DBF4: variants seen among roughly 807,000 people sequenced by gnomAD.
DBF4 encodes DBF4-CDC7 kinase regulatory subunit.
A neutral mutation model predicts 76.6 loss-of-function variants in DBF4; 25 were observed. The ratio of observed to expected loss-of-function variants is 0.33; its 90% CI spans 0.24 to 0.46. The LOEUF is 0.46. Ranked by LOEUF, DBF4 falls within the 20% of genes least tolerant of loss-of-function variation. DBF4 has a pLI of 1.00. For synonymous variants in DBF4, 213 were observed against 258.0 expected, an observed-to-expected ratio of 0.83 and a Z score of 1.67; for missense variants, 638 against 760.8, an observed-to-expected ratio of 0.84 and a Z score of 1.90.
chr7:87,889,477 G>T (rs895978740), intron 6 of DBF4, among the ~76,000 whole-genome samples: 2 of 151,482 alleles, frequency 1.3e-5, no homozygotes, highest in Admixed American at 1.3e-4. Context: ...ACGGGGTTTC[G>T]CCATGTTGCC....
At chr7:87,906,064 G>T (rs1251094829) in intron 11 of DBF4, among the ~76,000 whole-genome samples, 1 of 151,790 alleles carries the variant, frequency 6.6e-6, no homozygotes, top group Non-Finnish European at 1.5e-5. Flanking sequence ...AGGCTGAGGC[G>T]CAAGAATCAC....
chr7:87,899,566 T>C (rs1839718913), intron 8 of DBF4, among the ~76,000 whole-genome samples: 1 of 152,188 alleles, frequency 6.6e-6, no homozygotes, highest in Non-Finnish European at 1.5e-5. Flanking sequence ...GATACCACTT[T>C]ACATTATTTA....
At chr7:87,894,407 G>A (rs1584364108) in intron 6 of DBF4, among the ~76,000 whole-genome samples, 1 of 152,002 alleles carries the variant, frequency 6.6e-6, no homozygotes. Flanking sequence ...TTGCAGAGAG[G>A]CAAGATCATG....
At position 87,907,589 on chromosome 7, in the gene DBF4, G is replaced by A; in HGVS notation, c.1451G>A (p.Cys484Tyr). The A allele has an allele frequency of 6.2e-7, 1 of 1,614,092 alleles. No individual in the cohort carries two copies. The highest frequency in any genetic ancestry group is 1.1e-5 in the South Asian group (1 of 91,084). Reference protein sequence around the residue: ...LEELRVDHYKCNIQASVHVSD... With the variant: ...LEELRVDHYKYNIQASVHVSD... ...GAACTAAGGGTAGATCACTATAAAT[G>A]TAACATACAGGCATCTGTACATGTT... Residue 484 changes from cysteine (C) to tyrosine (Y), a missense_variant, in exon 12 of 12, where the codon TGT becomes TAT. Transcript: ENST00000265728.
chr7:87,905,359 G>C (rs567891313), intron 11 of DBF4, among the ~76,000 whole-genome samples: 1 of 152,308 alleles, frequency 6.6e-6, no homozygotes, highest in Non-Finnish European at 1.5e-5. Context: ...GAACCATAAA[G>C]TTTACCATTT....
intron 2 of DBF4, among the ~76,000 whole-genome samples, chr7:87,882,021 CAA>C (rs1416248530): frequency 2.0e-5 from 3 of 152,142 alleles, no homozygotes; most frequent in Non-Finnish European, 4.4e-5. Context: ...TGACAGCAAA[CAA>C]AATTATATTA....
At chr7:87,890,715 C>T (rs910106903) in intron 6 of DBF4, among the ~76,000 whole-genome samples, 5 of 152,106 alleles carry the variant, frequency 3.3e-5, no homozygotes, top group Non-Finnish European at 7.4e-5. Context: ...AGATTATTAA[C>T]ATCATAAAGA....
chr7:87,889,189 G>A (rs1171801629), intron 6 of DBF4, among the ~76,000 whole-genome samples: 2 of 152,008 alleles, frequency 1.3e-5, no homozygotes, highest in African/African-American at 4.8e-5. Context: ...TAACCTGATT[G>A]GATAGTCATT....
rs1225410667 is a variant in DBF4, at chr7:87,876,606, T to A, written c.-127T>A. ...CTGCAGACGCGGTACCTCTACTGCG[T>A]AGAGGCCGTAGCTGGCGGAAGGAGA... On this transcript the variant is annotated 5_prime_UTR_variant, in exon 1 of 12. Transcript: ENST00000265728. 1.9e-6 allele frequency: 2 copies of A among 1,066,498 alleles called. No homozygotes were observed. The highest frequency in any genetic ancestry group is 1.6e-5 in the African/African-American group (1 of 64,164). The allele number at this position is 1,066,498 out of a possible 1,614,324, so 66.1% of individuals were successfully genotyped here.
intron 2 of DBF4, among the ~76,000 whole-genome samples, chr7:87,879,958 A>C (rs1839170618): frequency 6.6e-6 from 1 of 152,018 alleles, no homozygotes; most frequent in Admixed American, 6.5e-5. Flanking sequence ...GTCCAAAAAA[A>C]AAAAAAAAAG....
At position 87,907,673 on chromosome 7, in the gene DBF4, T is replaced by C; in HGVS notation, c.1535T>C (p.Leu512Pro). The C allele has an allele frequency of 6.2e-7, 1 of 1,614,056 alleles. No individual in the cohort carries two copies. The highest frequency in any genetic ancestry group is 8.5e-7 in the Non-Finnish European group (1 of 1,179,954). The part of the protein sequence containing the change: ...SQPKQKSDTV[L>P]FPAKDLKEKD... Reference sequence around the variant, plus strand: ...CCAAAACAGAAGTCAGATACTGTGCTTTTTCCAGCAAAGGATCTCAAGGAA... The same window carrying C: ...CCAAAACAGAAGTCAGATACTGTGCCTTTTCCAGCAAAGGATCTCAAGGAA... The change falls in exon 12 of 12, where the codon CTT becomes CCT. Residue 512 changes from leucine (L) to proline (P), a missense_variant. Transcript: ENST00000265728.
chr7:87,906,167 AAAAAC>A (rs1210801435), intron 11 of DBF4, among the ~76,000 whole-genome samples: 1 of 151,898 alleles, frequency 6.6e-6, no homozygotes, highest in Non-Finnish European at 1.5e-5. Flanking sequence ...AAAAAAAACA[AAAAAC>A]AAAAAAACTA....
chr7:87,879,951 CAAA>C (rs78858917), intron 2 of DBF4, among the ~76,000 whole-genome samples: 2 of 100,412 alleles, frequency 2.0e-5, no homozygotes, highest in Admixed American at 1.1e-4. Context: ...ACCCTATGTC[CAAA>C]AAAAAAAAAA....
At position 87,893,646 on chromosome 7, in the gene DBF4, A is replaced by G. The variant is rs930762780; in HGVS notation, c.598-2828A>G. On this transcript the variant is annotated intron_variant, in intron 6 of 11. Transcript: ENST00000265728. ...TGAAGTCTGCTCTCTGATGTAGACC[A>G]TTCTGGCTTTATTTTTATTAGTATT... 8.5e-5 allele frequency among the ~76,000 whole-genome samples: 13 copies of G among 152,304 alleles called. No homozygotes were observed. The East Asian group carries it at 2.5e-3, about 29-fold the overall frequency.
intron 3 of DBF4, among the ~76,000 whole-genome samples, chr7:87,885,454 G>A (rs1033750808): frequency 1.1e-4 from 17 of 152,186 alleles, no homozygotes; most frequent in African/African-American, 4.1e-4. Flanking sequence ...CTTTGAAGAA[G>A]AAATAGAAAC....
intron 11 of DBF4, among the ~76,000 whole-genome samples, chr7:87,905,648 C>A (rs575286976): frequency 6.6e-6 from 1 of 152,208 alleles, no homozygotes; most frequent in African/African-American, 2.4e-5. Flanking sequence ...GTGGTGATAA[C>A]TCATTAAGTT....
intron 8 of DBF4, 106 bp from the exon 9 acceptor site, chr7:87,900,112 TTTG>T (rs1220488701): frequency 3.5e-5 from 33 of 932,396 alleles, no homozygotes; most frequent in Non-Finnish European, 5.1e-5. Context: ...GCCTAAATAA[TTTG>T]TTATTTCAGA....
chr7:87,909,075 CAAAA>C lies in DBF4; in HGVS notation c.*921_*924del, dbSNP rs933993693. Reference sequence around the variant, plus strand: ...TGGGTGACAGAGTGAGACTCCATCTCAAAAAAAAAAAAGTTGACTCTACCCCCTA... The same window carrying C: ...TGGGTGACAGAGTGAGACTCCATCTCAAAAAAAAGTTGACTCTACCCCCTA... On this transcript the variant is annotated 3_prime_UTR_variant, in exon 12 of 12. Coordinates refer to ENST00000265728, the MANE Select transcript of DBF4 (RefSeq NM_006716.4). 7.4e-6 allele frequency: 1 copy of C among 136,026 alleles called. No homozygotes were observed. The highest frequency in any genetic ancestry group is 1.6e-5 in the Non-Finnish European group (1 of 62,742). 8.4% of individuals were successfully genotyped at this position (136,026 alleles called of 1,614,324 possible).
At position 87,900,256 on chromosome 7, in the gene DBF4, T is replaced by A. The variant is rs758382082; in HGVS notation, c.716T>A (p.Met239Lys). ...YRPFYLQLTN[M>K]PFINYSIQKP... is the part of the protein sequence containing the mutation. Reference sequence around the variant, plus strand: ...CCATTTTATCTTCAGCTGACCAATATGCCTTTTATAAATTATTCTATTCAG... The same window carrying A: ...CCATTTTATCTTCAGCTGACCAATAAGCCTTTTATAAATTATTCTATTCAG... The change falls in exon 9 of 12, where the codon ATG becomes AAG. Residue 239 changes from methionine to lysine, a missense_variant. By Grantham distance (95) the Met-to-Lys change is moderately conservative. Coordinates refer to ENST00000265728, the MANE Select transcript of DBF4 (RefSeq NM_006716.4). 2 of 1,602,720 alleles carry A rather than the reference T, an allele frequency of 1.2e-6. No individual in the cohort carries two copies. The highest frequency in any genetic ancestry group is 1.7e-5 in the Admixed American group (1 of 58,948).
Sources: gnomAD v4.1 joint callset for allele counts (sites outside exome capture counted in the v4.1 genomes callset) on GRCh38, gnomAD v4.1.1 for gene constraint, MANE v1.5 for transcripts, NCBI Gene and HGNC (gene_info 2026-07-23, HGNC 2026-07-21) for gene names.